KCNMB4: variants seen among roughly 807,000 people sequenced by gnomAD.
KCNMB4 encodes the protein calcium-activated potassium channel subunit beta-4.
Under a neutral mutation model 20.7 loss-of-function variants are expected in KCNMB4, and 3 were observed. The observed-to-expected ratio is 0.14, with a 90% CI of 0.07 to 0.37. The LOEUF is 0.37. Among genes scored for constraint, KCNMB4 ranks in the 10% least tolerant of loss-of-function variants. KCNMB4 has a pLI of 1.00. For synonymous variants in KCNMB4, 110 were observed against 113.4 expected, an observed-to-expected ratio of 0.97 and a Z score of 0.19; for missense variants, 168 against 265.9, an observed-to-expected ratio of 0.63 and a Z score of 2.56.
At chr12:70,387,982 C>T (rs191295378) in intron 1 of KCNMB4, among the ~76,000 whole-genome samples, 2 of 152,274 alleles carry the variant, frequency 1.3e-5, no homozygotes, top group Admixed American at 1.3e-4. Flanking sequence ...CCCTCCACTA[C>T]CCTTCCTAGC....
At chr12:70,400,105 A>G in intron 1 of KCNMB4, 104 bp from the exon 2 acceptor site, 3 of 905,622 alleles carry the variant, frequency 3.3e-6, no homozygotes, top group Admixed American at 3.0e-5. Flanking sequence ...AGGGAGGCCT[A>G]AATTAGATTT....
At chr12:70,397,575 T>A (rs954703362) in intron 1 of KCNMB4, among the ~76,000 whole-genome samples, 4 of 152,148 alleles carry the variant, frequency 2.6e-5, no homozygotes, top group Non-Finnish European at 5.9e-5. Flanking sequence ...TTTTTAAAAA[T>A]CTCACATGAA....
chr12:70,373,967 G>C (rs1883642578), intron 1 of KCNMB4, among the ~76,000 whole-genome samples: 1 of 152,136 alleles, frequency 6.6e-6, no homozygotes, highest in Admixed American at 6.5e-5. Context: ...ACTTTAGCTT[G>C]GGTGACAGAG....
chr12:70,417,446 A>G (rs926663126), intron 2 of KCNMB4, among the ~76,000 whole-genome samples: 1 of 152,202 alleles, frequency 6.6e-6, no homozygotes, highest in East Asian at 1.9e-4. Flanking sequence ...TGCTTGTGAC[A>G]GTTGTTATGC....
At chr12:70,382,860 C>A (rs2136120512) in intron 1 of KCNMB4, among the ~76,000 whole-genome samples, 1 of 151,932 alleles carries the variant, frequency 6.6e-6, no homozygotes, top group South Asian at 2.1e-4. Flanking sequence ...TACAGTCGTT[C>A]ATTGTTTAAG....
intron 1 of KCNMB4, among the ~76,000 whole-genome samples, chr12:70,395,311 A>G (rs1266257684): frequency 6.6e-6 from 1 of 152,110 alleles, no homozygotes; most frequent in Admixed American, 6.5e-5. Flanking sequence ...TTTCTTAGAT[A>G]ATTCCTAACA....
chr12:70,388,335 A>G (rs1169614722), intron 1 of KCNMB4, among the ~76,000 whole-genome samples: 2 of 152,142 alleles, frequency 1.3e-5, no homozygotes, highest in Non-Finnish European at 2.9e-5. Flanking sequence ...TCTTTTGGGT[A>G]TATACCCAGC....
Position 70,431,435 on chromosome 12 carries a change from A to T in KCNMB4, c.*782A>T, listed in dbSNP as rs1161385637. The T allele has an allele frequency of 6.6e-6, 1 of 152,164 alleles. No homozygotes were observed. Among genetic ancestry groups the T allele is most frequent in the Non-Finnish European group, 1.5e-5 (1 of 68,044 alleles). The allele number at this position is 152,164 out of a possible 1,614,324, so 9.4% of individuals were successfully genotyped here. ...TGTTCTTGTTGTTTTTGACGGAGTT[A>T]AAAAAGTTTGTGTGCAATACAATAT... On this transcript the variant is annotated 3_prime_UTR_variant, in exon 3 of 3. Transcript: ENST00000258111.
intron 2 of KCNMB4, among the ~76,000 whole-genome samples, chr12:70,429,395 G>A (rs573291348): frequency 2.0e-5 from 3 of 152,230 alleles, no homozygotes; most frequent in Middle Eastern, 3.4e-3. Context: ...GGCCGGGTGC[G>A]GTGACTCACG....
At chr12:70,392,930 A>G (rs976562050) in intron 1 of KCNMB4, among the ~76,000 whole-genome samples, 24 of 152,188 alleles carry the variant, frequency 1.6e-4, no homozygotes, top group Non-Finnish European at 5.9e-5. Context: ...ATGTATGTCT[A>G]TGTAACAAAC....
intron 1 of KCNMB4, among the ~76,000 whole-genome samples, chr12:70,393,257 C>T (rs1369846293): frequency 6.6e-6 from 1 of 152,078 alleles, no homozygotes; most frequent in Non-Finnish European, 1.5e-5. Context: ...GACTGGAGTG[C>T]AGTGGCGCGA....
intron 1 of KCNMB4, among the ~76,000 whole-genome samples, chr12:70,380,923 C>A (rs1335119524): frequency 6.6e-6 from 1 of 152,136 alleles, no homozygotes; most frequent in Non-Finnish European, 1.5e-5. Context: ...AAATTAAAAA[C>A]ATTTGTGCTT....
At chr12:70,367,118 A>T (rs1291971765) in intron 1 of KCNMB4, 48 bp downstream of exon 1, 4 of 1,442,978 alleles carry the variant, frequency 2.8e-6, no homozygotes, top group African/African-American at 1.4e-5. Flanking sequence ...GGAGGTTTGG[A>T]GGCAGCGTCG....
chr12:70,377,123 C>T (rs938522587), intron 1 of KCNMB4, among the ~76,000 whole-genome samples: 3 of 152,248 alleles, frequency 2.0e-5, no homozygotes, highest in African/African-American at 7.2e-5. Context: ...TCTAGCAAAA[C>T]CCCAGCTGGA....
At chr12:70,409,771 G>T (rs1328919374) in intron 2 of KCNMB4, among the ~76,000 whole-genome samples, 1 of 152,156 alleles carries the variant, frequency 6.6e-6, no homozygotes, top group Non-Finnish European at 1.5e-5. Flanking sequence ...GAATATTTCA[G>T]AATGAGATAC....
At position 70,367,066 on chromosome 12, in the gene KCNMB4, C is replaced by G; in HGVS notation, c.332C>G (p.Pro111Arg). 1 of 1,517,554 alleles carries G rather than the reference C, an allele frequency of 6.6e-7. No individual in the cohort carries two copies. The highest frequency in any genetic ancestry group is 8.9e-7 in the Non-Finnish European group (1 of 1,128,018). The allele number at this position is 1,517,554 out of a possible 1,614,324, so 94.0% of individuals were successfully genotyped here. ...GACGAGCACCAGCTCCTGACCAACC[C>G]CAAGGTAAGAACGCCCCGCGCACCC... ...HSDEHQLLTNPKCSYIPPCKR... is the reference protein window; with the variant it reads ...HSDEHQLLTNRKCSYIPPCKR... Residue 111 changes from proline (P) to arginine (R), a missense_variant, in exon 1 of 3, where the codon CCC becomes CGC. By Grantham distance (103) the Pro-to-Arg change is moderately radical. Transcript: ENST00000258111.
At chr12:70,387,396 TA>T (rs1868266204) in intron 1 of KCNMB4, among the ~76,000 whole-genome samples, 1 of 136,700 alleles carries the variant, frequency 7.3e-6, no homozygotes, top group African/African-American at 2.9e-5. Context: ...TTAAATTTTT[TA>T]ATTTTTTTTT....
intron 1 of KCNMB4, among the ~76,000 whole-genome samples, chr12:70,369,257 CCTTT>C (rs1454870662): frequency 1.3e-5 from 2 of 152,266 alleles, no homozygotes; most frequent in African/African-American, 2.4e-5. Context: ...TTTAGCATCA[CCTTT>C]CTATTTTTGA....
chr12:70,405,518 C>A (rs949854829), intron 2 of KCNMB4, among the ~76,000 whole-genome samples: 1 of 152,096 alleles, frequency 6.6e-6, no homozygotes, highest in African/African-American at 2.4e-5. Context: ...CAAATTGGAA[C>A]CCTTGCATAC....
Sources: allele counts gnomAD v4.1 joint callset (sites outside exome capture counted in the v4.1 genomes callset), GRCh38; gene constraint gnomAD v4.1.1; transcripts MANE v1.5; gene names NCBI Gene and HGNC (gene_info 2026-07-23, HGNC 2026-07-21).